The following LRRFIP1 variants were observed in gnomAD, a reference collection of about 807,000 sequenced individuals.
LRRFIP1 encodes the protein leucine-rich repeat flightless-interacting protein 1.
Under a neutral mutation model 104.4 loss-of-function variants are expected in LRRFIP1, and 62 were observed. The observed-to-expected ratio is 0.59, with a 90% CI of 0.48 to 0.73. LRRFIP1 has a LOEUF of 0.73. Ranked by LOEUF, LRRFIP1 falls within the 30% of genes least tolerant of loss-of-function variation. The pLI is 0.00. For missense variants in LRRFIP1, 796 were observed against 824.5 expected, an observed-to-expected ratio of 0.97 and a Z score of 0.42; for synonymous variants, 300 against 299.0, an observed-to-expected ratio of 1.00 and a Z score of -0.03.
At chr2:237,719,717 G>A (rs1006290166) in intron 5 of LRRFIP1, 150 bp downstream of exon 5, 15 of 543,260 alleles carry the variant, frequency 2.8e-5, no homozygotes, top group Non-Finnish European at 4.5e-5. Context: ...ATAGAATACT[G>A]ATATTATTAC....
At chr2:237,767,979 G>T (rs925697697) in intron 19 of LRRFIP1, among the ~76,000 whole-genome samples, 2 of 152,150 alleles carry the variant, frequency 1.3e-5, no homozygotes, top group Admixed American at 1.3e-4. Flanking sequence ...TGTTCTTTTT[G>T]TCCCTATCTA....
rs151030034 is a variant in LRRFIP1 at position 237,670,532 on chromosome 2, C to A, written c.97-38012C>A. On this transcript the variant is annotated intron_variant, in intron 1 of 23. Coordinates refer to ENST00000308482, the MANE Select transcript of LRRFIP1 (RefSeq NM_001137550.2). ...CAACTACAGTACGTGCCTCACCGAG[C>A]CTCAGTTTCCACATTGGTGCTGTGC... 2.5e-3 allele frequency among the ~76,000 whole-genome samples: 388 copies of A among 152,380 alleles called. 2 individuals are homozygous for A. The highest frequency in any genetic ancestry group is 8.9e-3 in the African/African-American group (369 of 41,596).
intron 1 of LRRFIP1, among the ~76,000 whole-genome samples, chr2:237,694,250 C>T (rs779495788): frequency 4.6e-5 from 7 of 152,218 alleles, no homozygotes; most frequent in East Asian, 1.9e-4. Context: ...ATGCATCTTA[C>T]TACGTTTCTA....
At chr2:237,655,302 G>T (rs1319880604) in intron 1 of LRRFIP1, among the ~76,000 whole-genome samples, 2 of 150,260 alleles carry the variant, frequency 1.3e-5, no homozygotes, top group African/African-American at 4.9e-5. Context: ...GTAAAGTTGG[G>T]TTTCACCGTG....
At chr2:237,666,989 C>A (rs989282760) in intron 1 of LRRFIP1, among the ~76,000 whole-genome samples, 24 of 150,220 alleles carry the variant, frequency 1.6e-4, no homozygotes, top group African/African-American at 5.9e-4. Context: ...TATCACAAAG[C>A]ATTTTCACAG....
chr2:237,758,297 C>G (rs1559809430), intron 17 of LRRFIP1, among the ~76,000 whole-genome samples: 1 of 151,932 alleles, frequency 6.6e-6, no homozygotes, highest in South Asian at 2.1e-4. Context: ...ATGATGGATA[C>G]CAAGAATCAG....
At position 237,703,995 on chromosome 2, in the gene LRRFIP1, C is replaced by T. The variant is rs932340538; in HGVS notation, c.97-4549C>T. 2.0e-5 allele frequency among the ~76,000 whole-genome samples: 3 copies of T among 152,162 alleles called. No homozygotes were observed. The highest frequency in any genetic ancestry group is 3.4e-3 in the Middle Eastern group (1 of 294). On this transcript the variant is annotated intron_variant, in intron 1 of 23. Coordinates refer to ENST00000308482, the MANE Select transcript of LRRFIP1 (RefSeq NM_001137550.2). This position sits in a 1 kb window ranked among gnomAD's most constrained non-coding sequence, Gnocchi z 4.3. ...CGATAAAGGATTTGTCCTGCGCCACCGGAGCACTGGCCTGAGGTGCCCTGA... is the reference window on the plus strand; with the variant it reads ...CGATAAAGGATTTGTCCTGCGCCACTGGAGCACTGGCCTGAGGTGCCCTGA...
intron 17 of LRRFIP1, among the ~76,000 whole-genome samples, chr2:237,757,763 A>G (rs556574284): frequency 6.6e-6 from 1 of 152,156 alleles, no homozygotes; most frequent in Admixed American, 6.5e-5. Flanking sequence ...CGGACTCTCC[A>G]TGGAGGGTCT....
intron 19 of LRRFIP1, 50 bp downstream of exon 19, chr2:237,760,255 G>GT: frequency 6.2e-7 from 1 of 1,601,572 alleles, no homozygotes; most frequent in Non-Finnish European, 8.5e-7. Flanking sequence ...CTCAGCATTG[G>GT]TTCACCCTCC....
intron 11 of LRRFIP1, among the ~76,000 whole-genome samples, chr2:237,744,068 C>T (rs2057478811): frequency 1.3e-5 from 2 of 152,126 alleles, no homozygotes; most frequent in African/African-American, 2.4e-5. Flanking sequence ...TTTTGTTGCA[C>T]AAAGAGGCAG....
chr2:237,723,945 G>A (rs114135003), intron 7 of LRRFIP1, among the ~76,000 whole-genome samples: 1,904 of 152,212 alleles, frequency 0.013, 22 homozygotes, highest in African/African-American at 0.042. Context: ...GAATTCCCAA[G>A]GCCTCTACAT....
intron 1 of LRRFIP1, among the ~76,000 whole-genome samples, chr2:237,672,361 G>A (rs539150297): frequency 9.9e-5 from 15 of 152,272 alleles, no homozygotes; most frequent in African/African-American, 1.9e-4. Context: ...TTTAGAGAGT[G>A]AGGATCGATG....
At chr2:237,726,427 T>C (rs1451751379) in intron 7 of LRRFIP1, among the ~76,000 whole-genome samples, 1 of 152,156 alleles carries the variant, frequency 6.6e-6, no homozygotes, top group Non-Finnish European at 1.5e-5. Context: ...TAAGGAACCA[T>C]GTTTAGCACC....
At chr2:237,677,243 TGATGAATA>T (rs2091269246) in intron 1 of LRRFIP1, among the ~76,000 whole-genome samples, 1 of 152,218 alleles carries the variant, frequency 6.6e-6, no homozygotes, top group South Asian at 2.1e-4. Context: ...TACTTTGTCT[TGATGAATA>T]GTATGAGGTA....
At chr2:237,765,435 TAA>T (rs60482580) in intron 19 of LRRFIP1, 46,180 of 437,924 alleles carry the variant, frequency 0.11, 1 homozygote, top group South Asian at 0.13. Context: ...ACACTGTCTC[TAA>T]AAAAAAAAAA....
chr2:237,707,274 ATAT>A (rs1057446264), intron 1 of LRRFIP1, among the ~76,000 whole-genome samples: 1 of 150,928 alleles, frequency 6.6e-6, no homozygotes, highest in Non-Finnish European at 1.5e-5. Flanking sequence ...TCCCATTTTA[ATAT>A]TATCTAGGAG....
intron 1 of LRRFIP1, among the ~76,000 whole-genome samples, chr2:237,705,387 C>T (rs1237977070): frequency 2.6e-5 from 4 of 152,172 alleles, no homozygotes; most frequent in Non-Finnish European, 2.9e-5. Flanking sequence ...ATTGGCCAAG[C>T]GCAGTGGCTC....
chr2:237,659,885 C>G (rs202004391), intron 1 of LRRFIP1, among the ~76,000 whole-genome samples: 2 of 152,072 alleles, frequency 1.3e-5, no homozygotes, highest in East Asian at 3.9e-4. Context: ...GCAATCCTCT[C>G]CCCTCAGCCT....
At chr2:237,630,489 A>T (rs2082186575) in intron 1 of LRRFIP1, among the ~76,000 whole-genome samples, 1 of 152,240 alleles carries the variant, frequency 6.6e-6, no homozygotes, top group Non-Finnish European at 1.5e-5. Context: ...CTAACCGAAG[A>T]CAGGAAGGGA....
Sources: gnomAD v4.1 joint callset for allele counts (sites outside exome capture counted in the v4.1 genomes callset) on GRCh38, gnomAD v4.1.1 for gene constraint, Gnocchi (gnomAD v3.1) non-coding constraint, MANE v1.5 for transcripts, NCBI Gene and HGNC (gene_info 2026-07-23, HGNC 2026-07-21) for gene names.